NOP14: variants seen among roughly 807,000 people sequenced by gnomAD.
NOP14 encodes nucleolar protein 14.
Under a neutral mutation model 101.6 loss-of-function variants are expected in NOP14, and 57 were observed. The ratio of observed to expected loss-of-function variants is 0.56; its 90% CI spans 0.45 to 0.70. The LOEUF is 0.70. Ranked by LOEUF, NOP14 falls within the 30% of genes least tolerant of loss-of-function variation. The pLI is 0.00. For synonymous variants in NOP14, 428 were observed against 424.0 expected (o/e 1.01, Z -0.12); for missense variants, 1,134 against 1,075.5 (o/e 1.05, Z -0.76).
At chr4:2,955,207 G>A (rs1245538472) in intron 3 of NOP14, among the ~76,000 whole-genome samples, 100 of 43,200 alleles carry the variant, frequency 2.3e-3, no homozygotes, top group Non-Finnish European at 3.2e-3. Context: ...CCTGGACCAC[G>A]GCGCCCCCTC....
chr4:2,960,533 T>G (rs1715659568), intron 1 of NOP14, among the ~76,000 whole-genome samples: 1 of 151,750 alleles, frequency 6.6e-6, no homozygotes, highest in Admixed American at 6.6e-5. Context: ...CATATGGAAT[T>G]TACGGCATAA....
At chr4:2,954,348 G>GA (rs888887540) in intron 4 of NOP14, 76 bp downstream of exon 4, 34 of 1,524,252 alleles carry the variant, frequency 2.2e-5, no homozygotes, top group Admixed American at 5.9e-5. Context: ...AAAGGTACAG[G>GA]AAAAAAAAGC....
rs770754946 is a variant in NOP14, at chr4:2,953,586, G to C, written c.672C>G (p.Asp224Glu). Residue 224 changes from aspartate to glutamate, a missense_variant, in exon 5 of 18, where the codon GAC becomes GAG. Asp to Glu is a conservative substitution (Grantham distance 45, BLOSUM62 2). Coordinates refer to ENST00000416614, the MANE Select transcript of NOP14 (RefSeq NM_001291978.2). ...ALELTEKLDQ[D>E]WKEIQTLLSH... ...ACAGGAGAGTCTGAATTTCTTTCCA[G>C]TCTTGGTCTAGCTTCTCCGTGAGCT... is the stretch of plus-strand genomic sequence containing the variant. 1.9e-6 allele frequency: 3 copies of C among 1,613,998 alleles called. No individual in the cohort carries two copies. The highest frequency in any genetic ancestry group is 4.5e-5 in the East Asian group (2 of 44,892).
At chr4:2,946,365 AC>A in intron 11 of NOP14, 46 bp downstream of exon 11, 4 of 1,609,576 alleles carry the variant, frequency 2.5e-6, no homozygotes, top group Non-Finnish European at 3.4e-6. Flanking sequence ...GTGATGCCAA[AC>A]AGAACTTCTG....
In NOP14 at chr4:2,948,368, T is replaced by C. The variant is rs1714799993; in HGVS notation, c.1323A>G (p.Gly441=). Residue 441 remains glycine, a synonymous_variant, in exon 9 of 18, where the codon GGA becomes GGG. Transcript: ENST00000416614. The stretch of plus-strand genomic sequence containing the variant: ...CCAAAAGCTGCTCTTCCATCGATCT[T>C]CCTAACAACAGAGATCTCAGTTCCT... ...SYEELRSLLL[G]RSMEEQLLVV... is the part of the protein sequence containing the mutation. 2 of 1,613,072 alleles carry C rather than the reference T, an allele frequency of 1.2e-6. No individual in the cohort carries two copies. The highest frequency in any genetic ancestry group is 8.5e-7 in the Non-Finnish European group (1 of 1,179,716).
In NOP14 at chr4:2,952,288, A is replaced by T; in HGVS notation, c.857T>A (p.Leu286His). 1 of 1,613,622 alleles carries T rather than the reference A, an allele frequency of 6.2e-7. No individual in the cohort carries two copies. The highest frequency in any genetic ancestry group is 8.5e-7 in the Non-Finnish European group (1 of 1,179,798). ...CTGCCACCCTACCTCCAGCTTCCTG[A>T]GGTGCTCCTGCTCTTCCTTTGCCAA... ...AELAKEEQEHLRKLEAERLRR... is the reference protein window; with the variant it reads ...AELAKEEQEHHRKLEAERLRR... Residue 286 changes from leucine (L) to histidine (H), a missense_variant, in exon 6 of 18, where the codon CTC becomes CAC. Transcript: ENST00000416614.
In NOP14 at chr4:2,963,281, G is replaced by A; in HGVS notation, c.39C>T (p.Ala13=). The change falls in exon 1 of 18, where the codon GCC becomes GCT. Residue 13 remains alanine, a synonymous_variant. Coordinates refer to ENST00000416614, the MANE Select transcript of NOP14 (RefSeq NM_001291978.2). ...KAKKVGARRK[A]SGAPAGARGG... Reference sequence around the variant, plus strand: ...CTCGCGCTCCCGCCGGCGCCCCGGAGGCCTTCCTTCGCGCCCCGACCTTCT... The same window carrying A: ...CTCGCGCTCCCGCCGGCGCCCCGGAAGCCTTCCTTCGCGCCCCGACCTTCT... The A allele has an allele frequency of 6.3e-7, 1 of 1,592,882 alleles. No individual in the cohort carries two copies. Among genetic ancestry groups the A allele is most frequent in the Non-Finnish European group, 8.5e-7 (1 of 1,172,166 alleles).
chr4:2,938,413 G>A lies in NOP14; in HGVS notation c.*418C>T, dbSNP rs1366510723. ...CACATGTCTGTAATCCCAGCTACTC[G>A]GGAGGCTGAGGCAGGAGAATCGCTT... is the stretch of plus-strand genomic sequence containing the variant. On this transcript the variant is annotated 3_prime_UTR_variant, in exon 18 of 18. Transcript: ENST00000416614. 1.4e-5 allele frequency: 5 copies of A among 363,608 alleles called. No individual in the cohort carries two copies. The highest frequency in any genetic ancestry group is 2.7e-5 in the Non-Finnish European group (5 of 184,960). 22.5% of individuals were successfully genotyped at this position (363,608 alleles called of 1,614,324 possible).
rs1272783532 is a variant in NOP14 at position 2,952,315 on chromosome 4, T to A, written c.830A>T (p.Glu277Val). ...GTGCTCCTGCTCTTCCTTTGCCAAT[T>A]CTGCCTCCGTCTTCATCCTGTTAGA... is the stretch of plus-strand genomic sequence containing the variant. ...QPSNRMKTEA[E>V]LAKEEQEHLR... is the part of the protein sequence containing the mutation. Residue 277 changes from glutamate (E) to valine (V), a missense_variant, in exon 6 of 18, where the codon GAA (glutamate) becomes GTA (valine). Physicochemically the swap from Glu to Val is moderately radical, Grantham distance 121 (BLOSUM62 -2). Transcript: ENST00000416614. 6.2e-7 allele frequency: 1 copy of A among 1,613,894 alleles called. No homozygotes were observed. Among genetic ancestry groups the A allele is most frequent in the South Asian group, 1.1e-5 (1 of 91,062 alleles).
At chr4:2,950,863 T>C in intron 7 of NOP14, 1 of 390,844 alleles carries the variant, frequency 2.6e-6, no homozygotes, top group Non-Finnish European at 4.6e-6. Context: ...GTTTTATCTG[T>C]GTTCCTTTGA....
chr4:2,948,331 T>C lies in NOP14; in HGVS notation c.1360A>G (p.Ile454Val). 5 of 1,610,762 alleles carry C rather than the reference T, an allele frequency of 3.1e-6. No homozygotes were observed. Among genetic ancestry groups the C allele is most frequent in the Non-Finnish European group, 4.2e-6 (5 of 1,179,268 alleles). The change falls in exon 9 of 18, where the codon ATT becomes GTT. Residue 454 changes from isoleucine to valine, a missense_variant. Physicochemically the swap from Ile to Val is conservative, Grantham distance 29. Transcript: ENST00000416614. ...MEEQLLVVER[I>V]QKCNHPSLAE... ...AGACTCGGGTGGTTGCACTTCTGAATTCTCTCCACCACCAAAAGCTGCTCT... is the reference window on the plus strand; with the variant it reads ...AGACTCGGGTGGTTGCACTTCTGAACTCTCTCCACCACCAAAAGCTGCTCT...
intron 10 of NOP14, 91 bp from the exon 11 acceptor site, chr4:2,946,638 G>T: frequency 2.6e-6 from 3 of 1,175,592 alleles, no homozygotes; most frequent in Non-Finnish European, 3.7e-6. Flanking sequence ...GCAGTCACCT[G>T]TTGACTGAGC....
Position 2,950,098 on chromosome 4 carries a change from C to T in NOP14, c.1118G>A (p.Ser373Asn). The change falls in exon 8 of 18, where the codon AGC (serine) becomes AAC (asparagine). Residue 373 changes from serine (S) to asparagine (N), a missense_variant. By Grantham distance (46) the Ser-to-Asn change is conservative. Transcript: ENST00000416614. ...DSSGGEDTEESDSPDSHLDLE... is the reference protein window; with the variant it reads ...DSSGGEDTEENDSPDSHLDLE... ...GTCCAAGTGGCTATCTGGGCTGTCG[C>T]TCTCCTCTGTGTCCTCCCCGCCTGA... The T allele has an allele frequency of 6.2e-7, 1 of 1,614,110 alleles. No homozygotes were observed. The highest frequency in any genetic ancestry group is 8.5e-7 in the Non-Finnish European group (1 of 1,180,002).
rs141802829 is a variant in NOP14, at chr4:2,947,426, C to A, written c.1499+100G>T. The A allele has an allele frequency of 1.5e-4, 129 of 856,462 alleles. No homozygotes were observed. In the East Asian group the frequency reaches 3.1e-3, roughly 21 times the overall value. 53.1% of individuals were successfully genotyped at this position (856,462 alleles called of 1,614,324 possible). ...TTGGCATGCTGACACCATCATTCCACCTACCTTAGTAACTCTGGAATGTAT... is the reference window on the plus strand; with the variant it reads ...TTGGCATGCTGACACCATCATTCCAACTACCTTAGTAACTCTGGAATGTAT... On this transcript the variant is annotated intron_variant, in intron 10 of 17. Coordinates refer to ENST00000416614, the MANE Select transcript of NOP14 (RefSeq NM_001291978.2).
chr4:2,942,869 G>A (rs1427514298), intron 13 of NOP14, among the ~76,000 whole-genome samples: 26 of 152,166 alleles, frequency 1.7e-4, no homozygotes. Context: ...ACTCGCCACG[G>A]AGAAGGGCAA....
At chr4:2,938,998 C>T (rs578112956) in intron 17 of NOP14, 68 bp from the exon 18 acceptor site, 2 of 1,514,776 alleles carry the variant, frequency 1.3e-6, no homozygotes, top group Non-Finnish European at 1.8e-6. Flanking sequence ...CCCTCTCTCT[C>T]CCACATCAGA....
chr4:2,941,505 G>A, intron 15 of NOP14, 77 bp downstream of exon 15: 1 of 1,377,306 alleles, frequency 7.3e-7, no homozygotes, highest in Non-Finnish European at 9.9e-7. Flanking sequence ...TCAAATGACT[G>A]ACTGCCACCA....
rs762756857 is a variant in NOP14 at position 2,953,495 on chromosome 4, A to C, written c.747+16T>G. On this transcript the variant is annotated intron_variant, in intron 5 of 17. Coordinates refer to ENST00000416614, the MANE Select transcript of NOP14 (RefSeq NM_001291978.2). The stretch of plus-strand genomic sequence containing the variant: ...GCTCAGTGAGTGAAGAGTTTGTTTC[A>C]GTACTTGGCTCCCACCTTGGGTTTT... 1.2e-6 allele frequency: 2 copies of C among 1,613,626 alleles called. No individual in the cohort carries two copies. Among genetic ancestry groups the C allele is most frequent in the South Asian group, 1.1e-5 (1 of 91,032 alleles).
rs768561115 is a variant in NOP14 at position 2,941,597 on chromosome 4, G to A, written c.2184C>T (p.His728=). 35 of 1,612,408 alleles carry A rather than the reference G, an allele frequency of 2.2e-5. No individual in the cohort carries two copies. The highest frequency in any genetic ancestry group is 2.8e-5 in the Non-Finnish European group (33 of 1,179,868). The part of the protein sequence containing the change: ...LLTDHLADCS[H]PQELQELCQS... Reference sequence around the variant, plus strand: ...GAAGCCTCACCTGGAGCTCCTGCGGGTGGCTGCAGTCCGCCAGGTGATCCG... The same window carrying A: ...GAAGCCTCACCTGGAGCTCCTGCGGATGGCTGCAGTCCGCCAGGTGATCCG... Residue 728 remains histidine, a synonymous_variant, in exon 15 of 18, where the codon CAC becomes CAT. Transcript: ENST00000416614.
Sources: allele counts gnomAD v4.1 joint callset (sites outside exome capture counted in the v4.1 genomes callset), GRCh38; gene constraint gnomAD v4.1.1; transcripts MANE v1.5; gene names NCBI Gene and HGNC (gene_info 2026-07-23, HGNC 2026-07-21).